SUV39H2: variants seen among roughly 807,000 people sequenced by gnomAD.
SUV39H2 encodes the protein SUV39H2 histone lysine methyltransferase, also known as histone-lysine N-methyltransferase SUV39H2.
In SUV39H2, 10 loss-of-function variants were observed where a neutral mutation model predicts 47.5. The observed-to-expected ratio is 0.21, with a 90% CI of 0.13 to 0.36. The LOEUF (loss-of-function observed/expected upper bound fraction) is 0.36, where lower values mean the gene tolerates loss of function less well. Among genes scored for constraint, SUV39H2 ranks in the 10% least tolerant of loss-of-function variants. The pLI is 1.00. For missense variants in SUV39H2, 266 were observed against 487.4 expected (o/e 0.55, Z 4.28); for synonymous variants, 159 against 166.8 (o/e 0.95, Z 0.36).
At chr10:14,888,105 A>C (rs1027027989) in intron 2 of SUV39H2, among the ~76,000 whole-genome samples, 2 of 152,160 alleles carry the variant, frequency 1.3e-5, no homozygotes, top group Admixed American at 1.3e-4. Context: ...GGCGTAGAGA[A>C]CCATTTAGTA....
intron 2 of SUV39H2, among the ~76,000 whole-genome samples, chr10:14,890,034 G>T (rs1005704698): frequency 3.3e-5 from 5 of 152,190 alleles, no homozygotes; most frequent in African/African-American, 1.2e-4. Flanking sequence ...GTTTCTTAAA[G>T]TATACAGGTA....
Position 14,901,185 on chromosome 10 carries a change from G to A in SUV39H2, c.1049G>A (p.Arg350His), listed in dbSNP as rs1364606801. The A allele has an allele frequency of 1.9e-6, 3 of 1,613,830 alleles. No individual in the cohort carries two copies. Among genetic ancestry groups the A allele is most frequent in the Non-Finnish European group, 1.7e-6 (2 of 1,179,946 alleles). The change falls in exon 5 of 6, where the codon CGT becomes CAT. Residue 350 changes from arginine to histidine, a missense_variant. Arg to His is a conservative substitution (Grantham distance 29, BLOSUM62 0). This residue lies in a region of SUV39H2 where 112 missense variants were observed against 271.9 expected (regional missense o/e 0.41). Coordinates refer to ENST00000354919, the MANE Select transcript of SUV39H2 (RefSeq NM_001193424.2). ...GTTTTCATTGATAACCTCGATACTC[G>A]TCTTCCCCGAATAGCATTGTTTTCC... ...FNVFIDNLDT[R>H]LPRIALFSTR... is the part of the protein sequence containing the mutation.
At chr10:14,884,635 C>T (rs1011976479) in intron 2 of SUV39H2, among the ~76,000 whole-genome samples, 4 of 152,120 alleles carry the variant, frequency 2.6e-5, no homozygotes, top group Non-Finnish European at 5.9e-5. Flanking sequence ...CTTTTTAACC[C>T]ACCTTATTCT....
chr10:14,879,592 C>T (rs1162287273), intron 1 of SUV39H2, among the ~76,000 whole-genome samples: 1 of 151,986 alleles, frequency 6.6e-6, no homozygotes, highest in Admixed American at 6.5e-5. Context: ...GGGAATTGGG[C>T]ACCGGGGAAC....
At chr10:14,885,142 C>T (rs957871410) in intron 2 of SUV39H2, among the ~76,000 whole-genome samples, 4 of 152,150 alleles carry the variant, frequency 2.6e-5, no homozygotes, top group African/African-American at 9.7e-5. Flanking sequence ...CAGCCTCTTT[C>T]CCAGTGGTTT....
intron 2 of SUV39H2, 122 bp from the exon 3 acceptor site, chr10:14,896,724 G>A (rs1833633664): frequency 1.3e-6 from 1 of 744,402 alleles, no homozygotes; most frequent in Non-Finnish European, 2.1e-6. Flanking sequence ...GTGACTACAT[G>A]TTCTGAACTG....
chr10:14,885,361 T>A (rs901496079), intron 2 of SUV39H2, among the ~76,000 whole-genome samples: 1 of 152,256 alleles, frequency 6.6e-6, no homozygotes, highest in Non-Finnish European at 1.5e-5. Context: ...TGATTGCATA[T>A]ATCTTTAATT....
intron 4 of SUV39H2, 119 bp from the exon 5 acceptor site, chr10:14,901,014 C>T: frequency 7.4e-7 from 1 of 1,351,906 alleles, no homozygotes; most frequent in Non-Finnish European, 1.0e-6. Flanking sequence ...AAGCAATAAG[C>T]AACTTAATTT....
intron 2 of SUV39H2, among the ~76,000 whole-genome samples, chr10:14,890,933 T>C (rs1212002846): frequency 1.3e-5 from 2 of 152,224 alleles, no homozygotes; most frequent in East Asian, 3.8e-4. Context: ...TACATACCTT[T>C]TGGTACTCCT....
intron 5 of SUV39H2, 124 bp downstream of exon 5, chr10:14,901,386 G>C (rs1001512136): frequency 1.1e-4 from 141 of 1,303,288 alleles, no homozygotes; most frequent in Non-Finnish European, 1.5e-4. Flanking sequence ...GAGGCACTAA[G>C]TTTGTCATCC....
chr10:14,900,800 A>G (rs1833953467), intron 4 of SUV39H2, among the ~76,000 whole-genome samples: 1 of 152,164 alleles, frequency 6.6e-6, no homozygotes. Context: ...CCAGTGAAAT[A>G]ATAATGTTAT....
chr10:14,879,200 C>T (rs1469509609), intron 1 of SUV39H2: 4 of 1,052,848 alleles, frequency 3.8e-6, no homozygotes, highest in South Asian at 4.7e-5. Context: ...CCGGCCCCCT[C>T]CGCGTCTCCC....
At position 14,902,567 on chromosome 10, in the gene SUV39H2, T is replaced by C. The variant is rs368830300; in HGVS notation, c.*55T>C. The stretch of plus-strand genomic sequence containing the variant: ...TAATATTTTTTTCCTAATGTTAACA[T>C]TTTTAAAAATACATATTTGGGACTC... On this transcript the variant is annotated 3_prime_UTR_variant, in exon 6 of 6. Coordinates refer to ENST00000354919, the MANE Select transcript of SUV39H2 (RefSeq NM_001193424.2). 6.4e-4 allele frequency: 719 copies of C among 1,115,592 alleles called. 14 individuals carry two copies. The South Asian group carries it at 0.012, about 18-fold the overall frequency. 69.1% of individuals were successfully genotyped at this position (1,115,592 alleles called of 1,614,324 possible). A position where few individuals can be genotyped will look rare whatever the true frequency, so the allele number is the denominator to read the frequency against.
At position 14,878,930 on chromosome 10, in the gene SUV39H2, A is replaced by G. The variant is rs374848659; in HGVS notation, c.31+11A>G. 10 of 1,465,162 alleles carry G rather than the reference A, an allele frequency of 6.8e-6. No individual in the cohort carries two copies. The highest frequency in any genetic ancestry group is 7.2e-6 in the Non-Finnish European group (8 of 1,105,802). 90.8% of individuals were successfully genotyped at this position (1,465,162 alleles called of 1,614,324 possible). ...CCGAGGCGCGAGGAGGTGAGGCTGG[A>G]GCGCGGCCCCCTCGCCTTCCCTGTT... On this transcript the variant is annotated intron_variant, in intron 1 of 5. Transcript: ENST00000354919.
Position 14,899,520 on chromosome 10 carries a change from TAC to T in SUV39H2, c.850-17_850-16del, listed in dbSNP as rs1178638818. The stretch of plus-strand genomic sequence containing the variant: ...TGGTTCAGTAGCTACGTAATATACT[TAC>T]AGTTTTTTCTGTTTAGGTAATCACA... On this transcript the variant is annotated splice_polypyrimidine_tract_variant and intron_variant, in intron 3 of 5. Coordinates refer to ENST00000354919, the MANE Select transcript of SUV39H2 (RefSeq NM_001193424.2). The T allele has an allele frequency of 1.9e-6, 3 of 1,613,064 alleles. No individual in the cohort carries two copies. Among genetic ancestry groups the T allele is most frequent in the Non-Finnish European group, 2.5e-6 (3 of 1,179,708 alleles).
At position 14,901,660 on chromosome 10, in the gene SUV39H2, G is replaced by T. The variant is rs550679749; in HGVS notation, c.1126+398G>T. Among the ~76,000 whole-genome samples, 94 of 151,398 alleles carry T rather than the reference G, an allele frequency of 6.2e-4. 1 individual carries two copies. Among genetic ancestry groups the T allele is most frequent in the African/African-American group, 2.2e-3 (92 of 41,218 alleles). On this transcript the variant is annotated intron_variant, in intron 5 of 5. Coordinates refer to ENST00000354919, the MANE Select transcript of SUV39H2 (RefSeq NM_001193424.2). ...AGCCTGGGCAACATGGTGAAACTCTGTCTCTACAAAATATGAAAAAACTAG... is the reference window on the plus strand; with the variant it reads ...AGCCTGGGCAACATGGTGAAACTCTTTCTCTACAAAATATGAAAAAACTAG...
At chr10:14,894,355 GTTTTTTTTTTT>G (rs35812740) in intron 2 of SUV39H2, among the ~76,000 whole-genome samples, 2 of 58,096 alleles carry the variant, frequency 3.4e-5, no homozygotes, top group African/African-American at 8.8e-5. Context: ...AGAAAGCAAA[GTTTTTTTTTTT>G]TTTTTTTTTT....
At chr10:14,890,515 C>G (rs1366918838) in intron 2 of SUV39H2, among the ~76,000 whole-genome samples, 1 of 152,192 alleles carries the variant, frequency 6.6e-6, no homozygotes, top group African/African-American at 2.4e-5. Flanking sequence ...ATCTCCGCCT[C>G]TTGAGTAGCT....
intron 2 of SUV39H2, among the ~76,000 whole-genome samples, chr10:14,893,519 T>C (rs891188998): frequency 2.0e-5 from 3 of 152,222 alleles, no homozygotes; most frequent in Non-Finnish European, 2.9e-5. Flanking sequence ...GAATAAGATA[T>C]TGATGTAATA....
Sources: gnomAD v4.1 joint callset for allele counts (sites outside exome capture counted in the v4.1 genomes callset) on GRCh38, gnomAD v4.1.1 for gene constraint, gnomAD v4.1.1 regional missense constraint, MANE v1.5 for transcripts, NCBI Gene and HGNC (gene_info 2026-07-23, HGNC 2026-07-21) for gene names.